Variants in MGMT observed in about 807,000 individuals in gnomAD.
MGMT encodes the protein O-6-methylguanine-DNA methyltransferase.
In MGMT, 14 loss-of-function variants were observed where a neutral mutation model predicts 15.9. The ratio of observed to expected loss-of-function variants is 0.88; its 90% CI spans 0.58 to 1.37. The LOEUF is 1.37. Ranked by LOEUF, MGMT falls within the 40% of genes most tolerant of loss-of-function variation. The pLI is 0.00. For missense variants in MGMT, 282 were observed against 268.1 expected, an observed-to-expected ratio of 1.05 and a Z score of -0.36; for synonymous variants, 130 against 118.2, an observed-to-expected ratio of 1.10 and a Z score of -0.65.
At chr10:129,651,414 A>C (rs1381643992) in intron 2 of MGMT, among the ~76,000 whole-genome samples, 1 of 152,148 alleles carries the variant, frequency 6.6e-6, no homozygotes, top group African/African-American at 2.4e-5. Context: ...TTTTTAAGAA[A>C]AAAAAAAGCA....
In MGMT at chr10:129,721,619, A is replaced by G. The variant is rs142493436; in HGVS notation, c.274+13576A>G. On this transcript the variant is annotated intron_variant, in intron 3 of 4. Transcript: ENST00000651593. Reference sequence around the variant, plus strand: ...TAGAAGGAAAACATATGACAACAATAGCATAGAAGATGAGACTGGGGAAAT... The same window carrying G: ...TAGAAGGAAAACATATGACAACAATGGCATAGAAGATGAGACTGGGGAAAT... Among the ~76,000 whole-genome samples, 823 of 152,360 alleles carry G rather than the reference A, an allele frequency of 5.4e-3. 4 individuals are homozygous for G. The highest frequency in any genetic ancestry group is 0.018 in the African/African-American group (761 of 41,596).
chr10:129,705,166 G>T (rs1848146122), intron 2 of MGMT, among the ~76,000 whole-genome samples: 1 of 152,216 alleles, frequency 6.6e-6, no homozygotes, highest in African/African-American at 2.4e-5. Flanking sequence ...GTGCCCCTGG[G>T]CATGTCTGCT....
chr10:129,640,477 A>G (rs1308570026), intron 2 of MGMT, among the ~76,000 whole-genome samples: 1 of 152,244 alleles, frequency 6.6e-6, no homozygotes, highest in Non-Finnish European at 1.5e-5. Flanking sequence ...AATTGAATTT[A>G]TAATTTAAGC....
At chr10:129,511,725 A>G (rs891391067) in intron 1 of MGMT, among the ~76,000 whole-genome samples, 3 of 152,176 alleles carry the variant, frequency 2.0e-5, no homozygotes, top group African/African-American at 7.2e-5. Context: ...AGAGCTCTGA[A>G]TAGGTTAACA....
At chr10:129,730,749 G>C (rs1256233272) in intron 3 of MGMT, among the ~76,000 whole-genome samples, 1 of 152,016 alleles carries the variant, frequency 6.6e-6, no homozygotes, top group Non-Finnish European at 1.5e-5. Flanking sequence ...TTCTGCTATT[G>C]TTCAGAAACC....
chr10:129,625,615 C>T (rs73388716), intron 2 of MGMT, among the ~76,000 whole-genome samples: 2 of 152,072 alleles, frequency 1.3e-5, no homozygotes, highest in African/African-American at 2.4e-5. Context: ...ATCATAGTAA[C>T]CAAAAAAAGC....
intron 1 of MGMT, among the ~76,000 whole-genome samples, chr10:129,520,447 AGTACAGAGCCCCTGTGGTGCAT>A (rs1396264396): frequency 2.9e-5 from 3 of 103,758 alleles, no homozygotes; most frequent in Non-Finnish European, 5.6e-5. Flanking sequence ...CTATGGTGCG[AGTACAGAGCCCCTGTGGTGCAT>A]GTACAGAGCC....
intron 2 of MGMT, among the ~76,000 whole-genome samples, chr10:129,590,528 A>G (rs1159766408): frequency 6.6e-6 from 1 of 152,260 alleles, no homozygotes; most frequent in Non-Finnish European, 1.5e-5. Flanking sequence ...TGCAATGAAT[A>G]GTTTCTAGCC....
intron 4 of MGMT, among the ~76,000 whole-genome samples, 154 bp downstream of exon 4, chr10:129,759,495 C>T (rs962047792): frequency 1.3e-5 from 2 of 152,104 alleles, no homozygotes; most frequent in East Asian, 3.9e-4. Flanking sequence ...TGCCAGATGC[C>T]TCCAGAAGAG....
intron 3 of MGMT, among the ~76,000 whole-genome samples, chr10:129,737,632 G>A (rs1848579445): frequency 1.3e-5 from 2 of 152,174 alleles, no homozygotes; most frequent in African/African-American, 4.8e-5. Context: ...GAGGCGCTCT[G>A]CTTTTTAGAG....
At chr10:129,649,703 A>G (rs984227696) in intron 2 of MGMT, among the ~76,000 whole-genome samples, 1 of 152,212 alleles carries the variant, frequency 6.6e-6, no homozygotes. Context: ...GGAAGATGTA[A>G]ATAAAGGAAT....
intron 3 of MGMT, among the ~76,000 whole-genome samples, chr10:129,740,292 C>T (rs1848616351): frequency 1.3e-5 from 2 of 152,084 alleles, no homozygotes; most frequent in African/African-American, 4.8e-5. Context: ...GCCTGTGGAG[C>T]CACAGCTGCT....
Position 129,569,577 on chromosome 10 carries a change from C to A in MGMT, c.125+33200C>A, listed in dbSNP as rs1846394057. Among the ~76,000 whole-genome samples the A allele has an allele frequency of 2.0e-5, 3 of 152,166 alleles. No individual in the cohort carries two copies. The South Asian group carries it at 6.2e-4, about 32-fold the overall frequency. ...GGGACCTCAACCTCCTGTGCTCTTA[C>A]CCGGGCCTGACTTGGGTGATGCCCA... On this transcript the variant is annotated intron_variant, in intron 2 of 4. Transcript: ENST00000651593.
chr10:129,505,940 G>T (rs1365131318), intron 1 of MGMT, among the ~76,000 whole-genome samples: 1 of 149,016 alleles, frequency 6.7e-6, no homozygotes, highest in South Asian at 2.1e-4. Context: ...ACACCAACAG[G>T]CTTTGTGAAT....
chr10:129,708,086 G>A (rs541253323), intron 3 of MGMT, 43 bp downstream of exon 3: 3 of 1,575,288 alleles, frequency 1.9e-6, no homozygotes, highest in Non-Finnish European at 2.6e-6. Flanking sequence ...TGGGGAGCTT[G>A]ACTTATTAAC....
chr10:129,638,705 A>G (rs1847293546), intron 2 of MGMT, among the ~76,000 whole-genome samples: 1 of 152,170 alleles, frequency 6.6e-6, no homozygotes, highest in African/African-American at 2.4e-5. Context: ...TGGCAAAACT[A>G]TTCTCACAAG....
chr10:129,628,301 T>A (rs1256134680), intron 2 of MGMT, among the ~76,000 whole-genome samples: 1 of 152,248 alleles, frequency 6.6e-6, no homozygotes, highest in Non-Finnish European at 1.5e-5. Context: ...GAGTTTATCA[T>A]ACATGTTTTG....
At chr10:129,482,143 TTTC>T (rs1845365387) in intron 1 of MGMT, among the ~76,000 whole-genome samples, 2 of 152,232 alleles carry the variant, frequency 1.3e-5, no homozygotes, top group African/African-American at 4.8e-5. Context: ...TTCCTTGTGG[TTTC>T]TTCTTTAATG....
At chr10:129,620,350 G>A (rs1847077770) in intron 2 of MGMT, among the ~76,000 whole-genome samples, 1 of 152,200 alleles carries the variant, frequency 6.6e-6, no homozygotes, top group Middle Eastern at 3.2e-3. Flanking sequence ...CGTTGGGTCA[G>A]GTTGTTTTGG....
Sources: gnomAD v4.1 joint callset for allele counts (sites outside exome capture counted in the v4.1 genomes callset) on GRCh38, gnomAD v4.1.1 for gene constraint, MANE v1.5 for transcripts, NCBI Gene and HGNC (gene_info 2026-07-23, HGNC 2026-07-21) for gene names.